Variants in SYT16 observed in about 807,000 individuals in gnomAD.
SYT16 encodes synaptotagmin-16.
A neutral mutation model predicts 61.4 loss-of-function variants in SYT16; 42 were observed. That is an observed-to-expected ratio of 0.68 (90% CI 0.53 to 0.89). The LOEUF (loss-of-function observed/expected upper bound fraction) is 0.89. SYT16 is among the 40% of genes least tolerant of loss of function. The probability of loss-of-function intolerance (pLI) is 0.00; values close to 1 mark genes in which losing one functional copy is unlikely to be tolerated. For synonymous variants in SYT16, 314 were observed against 302.3 expected, an observed-to-expected ratio of 1.04 and a Z score of -0.40; for missense variants, 804 against 807.3, an observed-to-expected ratio of 1.00 and a Z score of 0.05.
chr14:62,061,641 G>GA (rs1277448678), intron 3 of SYT16, among the ~76,000 whole-genome samples: 1 of 152,074 alleles, frequency 6.6e-6, no homozygotes, highest in Admixed American at 6.6e-5. Flanking sequence ...GGAGTATTAG[G>GA]AAAAAGAAAG....
intron 1 of SYT16, among the ~76,000 whole-genome samples, chr14:61,885,124 T>TACTGTGTAAACAG (rs1025900054): frequency 3.9e-5 from 6 of 152,200 alleles, no homozygotes; most frequent in Non-Finnish European, 8.8e-5. Context: ...ATCTGTCTAA[T>TACTGTGTAAACAG]ACTGTGTAAA....
At chr14:62,085,033 C>A (rs1460182288) in intron 7 of SYT16, among the ~76,000 whole-genome samples, 1 of 152,170 alleles carries the variant, frequency 6.6e-6, no homozygotes, top group Non-Finnish European at 1.5e-5. Flanking sequence ...TCTAGGGGAA[C>A]TGCCACTTTT....
intron 3 of SYT16, among the ~76,000 whole-genome samples, chr14:62,018,195 A>G (rs1487965767): frequency 3.3e-5 from 5 of 151,268 alleles, no homozygotes. Flanking sequence ...GTCCTGTGTC[A>G]TCTAGCTCTG....
upstream of SYT16, chr14:61,812,698 C>A (rs569998446): frequency 1.4e-5 from 2 of 147,214 alleles, no homozygotes; most frequent in Non-Finnish European, 3.0e-5. Flanking sequence ...CGCGGCGCGG[C>A]CCCCGAGCGC....
At chr14:62,004,035 G>T (rs2053125601) in intron 3 of SYT16, among the ~76,000 whole-genome samples, 1 of 152,102 alleles carries the variant, frequency 6.6e-6, no homozygotes, top group South Asian at 2.1e-4. Flanking sequence ...AAGGTCTTTG[G>T]TTTTTGTGTT....
At chr14:62,076,148 G>A (rs1468163119) in intron 5 of SYT16, among the ~76,000 whole-genome samples, 1 of 152,118 alleles carries the variant, frequency 6.6e-6, no homozygotes, top group African/African-American at 2.4e-5. Flanking sequence ...ACTGTGATAA[G>A]GATTTTACCA....
At chr14:62,037,592 A>G (rs1415682893) in intron 3 of SYT16, among the ~76,000 whole-genome samples, 1 of 152,190 alleles carries the variant, frequency 6.6e-6, no homozygotes, top group Non-Finnish European at 1.5e-5. Context: ...GTGTTTACTT[A>G]TCTCTCTGTT....
chr14:61,995,311 G>C (rs546126328), intron 2 of SYT16, among the ~76,000 whole-genome samples: 1 of 152,228 alleles, frequency 6.6e-6, no homozygotes, highest in African/African-American at 2.4e-5. Flanking sequence ...CAGTAAGCTA[G>C]ATAATCCATT....
At chr14:61,980,066 G>A (rs2052005809) in intron 2 of SYT16, among the ~76,000 whole-genome samples, 1 of 152,048 alleles carries the variant, frequency 6.6e-6, no homozygotes, top group African/African-American at 2.4e-5. Context: ...TGAAATAATA[G>A]GATACATAAA....
At chr14:62,043,501 T>G (rs963658543) in intron 3 of SYT16, among the ~76,000 whole-genome samples, 45 of 149,480 alleles carry the variant, frequency 3.0e-4, no homozygotes, top group African/African-American at 1.1e-3. Flanking sequence ...TCCGCCTCCC[T>G]GGTTCACGCC....
At chr14:61,860,934 A>G (rs2046943240) in intron 1 of SYT16, among the ~76,000 whole-genome samples, 1 of 152,162 alleles carries the variant, frequency 6.6e-6, no homozygotes, top group Non-Finnish European at 1.5e-5. Context: ...GAGACTGACC[A>G]TGGCATTTTA....
chr14:61,823,940 T>C (rs1454941430), intron 1 of SYT16, among the ~76,000 whole-genome samples: 4 of 152,240 alleles, frequency 2.6e-5, no homozygotes, highest in Non-Finnish European at 4.4e-5. Flanking sequence ...TTTGATTCCA[T>C]GTCCCTTTCT....
rs534476099 is a variant in SYT16, at chr14:61,847,170, T to G, written c.-325+34360T>G. The stretch of plus-strand genomic sequence containing the variant: ...TTTACACCTTCAGATGATTTCTTAT[T>G]GTTCATTAACATCCTTTTCTTCCTA... On this transcript the variant is annotated intron_variant, in intron 1 of 7. Coordinates refer to ENST00000683842, the MANE Select transcript of SYT16 (RefSeq NM_001367656.1). Among the ~76,000 whole-genome samples the G allele has an allele frequency of 5.9e-5, 9 of 152,328 alleles. No homozygotes were observed. The South Asian group carries it at 1.7e-3, about 28-fold the overall frequency.
chr14:61,939,478 A>G (rs2050123794), intron 1 of SYT16, among the ~76,000 whole-genome samples: 1 of 152,222 alleles, frequency 6.6e-6, no homozygotes, highest in African/African-American at 2.4e-5. Flanking sequence ...GTCTGAGATC[A>G]AGGTGTCCGC....
intron 3 of SYT16, among the ~76,000 whole-genome samples, chr14:62,026,371 A>G (rs2054103412): frequency 6.6e-6 from 1 of 152,220 alleles, no homozygotes; most frequent in African/African-American, 2.4e-5. Context: ...TGGGATATCC[A>G]AGATCAAGGC....
At chr14:61,816,967 T>C (rs976202269) in intron 1 of SYT16, among the ~76,000 whole-genome samples, 1 of 147,210 alleles carries the variant, frequency 6.8e-6, no homozygotes, top group East Asian at 2.0e-4. Flanking sequence ...GCCGAGATCC[T>C]GCCACTGCAC....
upstream of SYT16, among the ~76,000 whole-genome samples, chr14:61,812,540 C>T (rs1323561374): frequency 6.6e-6 from 1 of 151,020 alleles, no homozygotes; most frequent in African/African-American, 2.4e-5. Context: ...AGGGGGAGAT[C>T]CAGCCTCTAG....
intron 1 of SYT16, among the ~76,000 whole-genome samples, chr14:61,894,782 A>G (rs2274070): frequency 0.17 from 26,521 of 152,220 alleles, 2,778 homozygotes; most frequent in East Asian, 0.34. Context: ...GTGGCTAAGT[A>G]GGAAACCATC....
At chr14:61,968,097 C>G (rs1221921053) in intron 1 of SYT16, among the ~76,000 whole-genome samples, 1 of 152,008 alleles carries the variant, frequency 6.6e-6, no homozygotes. Flanking sequence ...CCCGTCTCTA[C>G]TAAAAATACC....
Sources: gnomAD v4.1 joint callset for allele counts (sites outside exome capture counted in the v4.1 genomes callset) on GRCh38, gnomAD v4.1.1 for gene constraint, MANE v1.5 for transcripts, NCBI Gene and HGNC (gene_info 2026-07-23, HGNC 2026-07-21) for gene names.